Variants in KLHL1 observed in about 807,000 individuals in gnomAD.
The protein encoded by KLHL1 is kelch-like protein 1.
KLHL1 carries 47 observed loss-of-function variants against 77.7 expected under a neutral mutation model. The observed-to-expected ratio is 0.60, with a 90% confidence interval of 0.48 to 0.77. The LOEUF is 0.77. Ranked by LOEUF, KLHL1 falls within the 30% of genes least tolerant of loss-of-function variation. KLHL1 has a pLI of 0.00. For missense variants in KLHL1, 925 were observed against 910.8 expected (o/e 1.02, Z -0.20); for synonymous variants, 360 against 325.2 (o/e 1.11, Z -1.15).
At chr13:70,035,492 A>C (rs1310301091) in intron 1 of KLHL1, among the ~76,000 whole-genome samples, 1 of 152,078 alleles carries the variant, frequency 6.6e-6, no homozygotes, top group Non-Finnish European at 1.5e-5. Flanking sequence ...ACAAAAAATA[A>C]ATAGAAAAAA....
intron 3 of KLHL1, among the ~76,000 whole-genome samples, chr13:69,959,557 TA>T (rs35521937): frequency 0.12 from 17,063 of 144,918 alleles, 1,430 homozygotes; most frequent in East Asian, 0.29. Flanking sequence ...GACTACTCAT[TA>T]AAAAAAAAAA....
At chr13:69,906,919 C>T (rs1328399620) in intron 4 of KLHL1, among the ~76,000 whole-genome samples, 2 of 151,920 alleles carry the variant, frequency 1.3e-5, no homozygotes, top group African/African-American at 4.8e-5. Flanking sequence ...TACTAAATTA[C>T]CATATTTTGA....
chr13:69,769,062 C>CTAAT (rs1875442842), intron 7 of KLHL1, among the ~76,000 whole-genome samples: 1 of 152,130 alleles, frequency 6.6e-6, no homozygotes, highest in African/African-American at 2.4e-5. Context: ...AATTGCTTAA[C>CTAAT]TAATTATTAT....
chr13:69,714,938 G>A (rs1267308521), intron 9 of KLHL1, among the ~76,000 whole-genome samples: 3 of 152,082 alleles, frequency 2.0e-5, no homozygotes, highest in Middle Eastern at 3.4e-3. Context: ...TCATTTATTC[G>A]TGCATATTTG....
chr13:70,013,688 T>C (rs943289207), intron 1 of KLHL1, among the ~76,000 whole-genome samples: 4 of 152,192 alleles, frequency 2.6e-5, no homozygotes, highest in South Asian at 2.1e-4. Context: ...TTAAATACTA[T>C]AAAATATTTG....
intron 1 of KLHL1, among the ~76,000 whole-genome samples, chr13:70,051,106 C>T (rs977492885): frequency 2.7e-4 from 41 of 151,988 alleles, no homozygotes; most frequent in African/African-American, 8.2e-4. Context: ...CAAAAATAGA[C>T]GTGTGGGGTG....
intron 5 of KLHL1, among the ~76,000 whole-genome samples, chr13:69,850,752 A>G (rs950743395): frequency 2.0e-5 from 3 of 151,720 alleles, no homozygotes; most frequent in African/African-American, 4.8e-5. Context: ...TCCATGTACT[A>G]CAACTGAAAG....
intron 4 of KLHL1, among the ~76,000 whole-genome samples, chr13:69,903,767 G>A (rs9542108): frequency 0.89 from 133,490 of 149,706 alleles, 60,265 homozygotes; most frequent in South Asian, 0.98. Context: ...TCAGCCTCCC[G>A]AGTAGCTGGG....
chr13:69,970,187 C>CCA (rs1884339369), intron 2 of KLHL1, among the ~76,000 whole-genome samples: 3 of 152,090 alleles, frequency 2.0e-5, no homozygotes, highest in African/African-American at 7.2e-5. Flanking sequence ...ACTATTTTTA[C>CCA]GGTGGTTGTA....
At chr13:69,897,776 G>A (rs2138220798) in intron 4 of KLHL1, among the ~76,000 whole-genome samples, 1 of 152,248 alleles carries the variant, frequency 6.6e-6, no homozygotes, top group African/African-American at 2.4e-5. Context: ...GTCTTGTAGT[G>A]TTTATAGAAG....
chr13:70,076,571 A>G (rs1887272199), intron 1 of KLHL1, among the ~76,000 whole-genome samples: 2 of 151,852 alleles, frequency 1.3e-5, no homozygotes, highest in South Asian at 4.1e-4. Context: ...CAATGTGACA[A>G]TGAGTTTTTA....
At chr13:69,716,104 T>G (rs1177109666) in intron 9 of KLHL1, among the ~76,000 whole-genome samples, 1 of 152,110 alleles carries the variant, frequency 6.6e-6, no homozygotes, top group Admixed American at 6.6e-5. Flanking sequence ...ATGATTACAT[T>G]TGCCTTTCCA....
chr13:70,061,575 TTC>T lies in KLHL1; in HGVS notation c.497+45626_497+45627del, dbSNP rs1314422400. On this transcript the variant is annotated intron_variant, in intron 1 of 10. Coordinates refer to ENST00000377844, the MANE Select transcript of KLHL1 (RefSeq NM_020866.3). The stretch of plus-strand genomic sequence containing the variant: ...TGAGTTAGTAGCCTTAAGTCAGATT[TTC>T]TCTTCACACTGAGGCTGCCACAATC... 2.0e-5 allele frequency among the ~76,000 whole-genome samples: 3 copies of T among 152,102 alleles called. No individual in the cohort carries two copies. In the East Asian group the frequency reaches 5.8e-4, roughly 29 times the overall value.
intron 1 of KLHL1, among the ~76,000 whole-genome samples, chr13:70,038,453 T>C (rs1050699700): frequency 1.3e-5 from 2 of 152,164 alleles, no homozygotes; most frequent in Non-Finnish European, 2.9e-5. Context: ...GCTAAGAGTA[T>C]ATTTACTAAT....
At chr13:69,852,636 G>T (rs889336281) in intron 5 of KLHL1, among the ~76,000 whole-genome samples, 12 of 151,912 alleles carry the variant, frequency 7.9e-5, no homozygotes, top group African/African-American at 2.9e-4. Context: ...CAGATTTCCA[G>T]CTTTCTTCAG....
At chr13:70,027,637 C>T (rs1314552607) in intron 1 of KLHL1, among the ~76,000 whole-genome samples, 5 of 100,238 alleles carry the variant, frequency 5.0e-5, no homozygotes, top group Non-Finnish European at 1.0e-4. Flanking sequence ...ATTTTTGAAG[C>T]GCAAAATGTA....
rs572868519 is a variant in KLHL1 at position 69,814,887 on chromosome 13, T to G, written c.1415-17925A>C. ...TTAGCTGGGCGTGGTGGGGTGTGCC[T>G]GTAGTCCCAGCTACTCGGGAGGCTG... is the stretch of plus-strand genomic sequence containing the variant. On this transcript the variant is annotated intron_variant, in intron 6 of 10. Coordinates refer to ENST00000377844, the MANE Select transcript of KLHL1 (RefSeq NM_020866.3). 5.3e-5 allele frequency among the ~76,000 whole-genome samples: 8 copies of G among 152,134 alleles called. No homozygotes were observed. The East Asian group carries it at 1.6e-3, about 29-fold the overall frequency.
intron 1 of KLHL1, among the ~76,000 whole-genome samples, chr13:70,090,923 G>A (rs1357976107): frequency 1.3e-5 from 2 of 152,100 alleles, no homozygotes; most frequent in African/African-American, 2.4e-5. Flanking sequence ...GAACTTTGGT[G>A]TTATGTGTAA....
In KLHL1 at chr13:69,794,181, T is replaced by C. The variant is rs558135212; in HGVS notation, c.1639+2557A>G. Reference sequence around the variant, plus strand: ...GGATTTATGTGCAAATGGAAGTAAATAGATGCAACCCCTGAGGTCTACATA... The same window carrying C: ...GGATTTATGTGCAAATGGAAGTAAACAGATGCAACCCCTGAGGTCTACATA... On this transcript the variant is annotated intron_variant, in intron 7 of 10. Transcript: ENST00000377844. 2.0e-4 allele frequency among the ~76,000 whole-genome samples: 30 copies of C among 152,200 alleles called. No individual in the cohort carries two copies. In the South Asian group the frequency reaches 5.2e-3, roughly 26 times the overall value.
Sources: allele counts gnomAD v4.1 joint callset (sites outside exome capture counted in the v4.1 genomes callset), GRCh38; gene constraint gnomAD v4.1.1; transcripts MANE v1.5; gene names NCBI Gene and HGNC (gene_info 2026-07-23, HGNC 2026-07-21).